Variants in SLC25A6 observed in about 807,000 individuals in gnomAD.
SLC25A6 encodes the protein solute carrier family 25 member 6, also known as ADP/ATP translocase 3.
A neutral mutation model predicts 25.7 loss-of-function variants in SLC25A6; 9 were observed. The ratio of observed to expected loss-of-function variants is 0.35; its 90% CI spans 0.21 to 0.61. The LOEUF is 0.61. SLC25A6 is among the 20% of genes least tolerant of loss of function. The pLI is 0.76. For synonymous variants in SLC25A6, 223 were observed against 197.0 expected (o/e 1.13, Z -1.11); for missense variants, 404 against 440.5 (o/e 0.92, Z 0.74).
Position 1,386,232 on chromosome X carries a change from C to T in SLC25A6, c.*370G>A. On this transcript the variant is annotated 3_prime_UTR_variant, in exon 4 of 4. Transcript: ENST00000381401. ...CTCGCCAGTACTCGGCTGTGCAAAA[C>T]AGGGGCTAGCGCTGAAGTACAAATG... is the stretch of plus-strand genomic sequence containing the variant. 4.7e-6 allele frequency: 1 copy of T among 212,710 alleles called. No homozygotes were observed. Among genetic ancestry groups the T allele is most frequent in the South Asian group, 1.7e-4 (1 of 5,894 alleles). The allele number at this position is 212,710 out of a possible 1,614,324, so 13.2% of individuals were successfully genotyped here. A position where few individuals can be genotyped will look rare whatever the true frequency, so the allele number is the denominator to read the frequency against.
intron 1 of SLC25A6, among the ~76,000 whole-genome samples, chrX:1,390,719 C>G (rs1646346824): frequency 6.7e-6 from 1 of 149,718 alleles, no homozygotes; most frequent in Non-Finnish European, 1.5e-5. Flanking sequence ...GAGACGGGGT[C>G]TTGCTACGTT....
chrX:1,391,157 G>A (rs1417228676), intron 1 of SLC25A6, among the ~76,000 whole-genome samples: 1 of 151,950 alleles, frequency 6.6e-6, no homozygotes, highest in African/African-American at 2.4e-5. Context: ...TTGAGGTGAG[G>A]TCTTGCTGTG....
Position 1,390,956 on chromosome X carries a change from C to G in SLC25A6, c.111+943G>C, listed in dbSNP as rs148549389. Among the ~76,000 whole-genome samples the G allele has an allele frequency of 8.5e-4, 128 of 151,298 alleles. 1 individual carries two copies. In the East Asian group the frequency reaches 0.024, roughly 28 times the overall value. ...TTAAAAATTTTCTTAGAGATGGGGT[C>G]TTGCTATGTTGTCCTGGCTGGTCTC... On this transcript the variant is annotated intron_variant, in intron 1 of 3. Coordinates refer to ENST00000381401, the MANE Select transcript of SLC25A6 (RefSeq NM_001636.4).
In SLC25A6 at chrX:1,389,431, G is replaced by A. The variant is rs7205; in HGVS notation, c.408C>T (p.Phe136=). ...TSLCFVYPLD[F]ARTRLAADVG... ...CGTCCGCTGCCAGGCGGGTTCTGGC[G>A]AAATCCAGCGGGTACACGAAGCAGA... The change falls in exon 2 of 4, where the codon TTC becomes TTT. Residue 136 remains phenylalanine (F), a synonymous_variant. Coordinates refer to ENST00000381401, the MANE Select transcript of SLC25A6 (RefSeq NM_001636.4). 431,791 of 1,613,326 alleles carry A rather than the reference G, an allele frequency of 0.27. 61,161 individuals are homozygous for A. Among genetic ancestry groups the A allele is most frequent in the African/African-American group, 0.45 (33,760 of 74,944 alleles).
chrX:1,391,403 T>C (rs1406858569), intron 1 of SLC25A6, among the ~76,000 whole-genome samples: 2 of 152,204 alleles, frequency 1.3e-5, no homozygotes, highest in African/African-American at 4.8e-5. Context: ...TGGATCAGAA[T>C]TGCACAAATG....
In SLC25A6 at chrX:1,392,072, G is replaced by A. The variant is rs1486039913; in HGVS notation, c.-63C>T. The stretch of plus-strand genomic sequence containing the variant: ...AGAACGGGCGCGGAGAGTGAATGGA[G>A]GGCGTCGCTGGCTCAGCCCTGCCGC... On this transcript the variant is annotated 5_prime_UTR_variant, in exon 1 of 4. Coordinates refer to ENST00000381401, the MANE Select transcript of SLC25A6 (RefSeq NM_001636.4). 3 of 1,261,756 alleles carry A rather than the reference G, an allele frequency of 2.4e-6. No individual in the cohort carries two copies. The highest frequency in any genetic ancestry group is 1.5e-5 in the African/African-American group (1 of 66,738). The allele number at this position is 1,261,756 out of a possible 1,614,324, so 78.2% of individuals were successfully genotyped here.
chrX:1,391,472 C>T (rs1268745330), intron 1 of SLC25A6, among the ~76,000 whole-genome samples: 1 of 152,224 alleles, frequency 6.6e-6, no homozygotes, highest in Non-Finnish European at 1.5e-5. Flanking sequence ...AGGACACCTG[C>T]GGGCAGGCTC....
In SLC25A6 at chrX:1,387,536, C is replaced by A. The variant is rs1274727809; in HGVS notation, c.599-117G>T. The A allele has an allele frequency of 3.5e-6, 5 of 1,416,736 alleles. No homozygotes were observed. The African/African-American group carries it at 7.0e-5, about 20-fold the overall frequency. The allele number at this position is 1,416,736 out of a possible 1,614,324, so 87.8% of individuals were successfully genotyped here. ...GTGGTGCCGAGCTCTTCCGAGACCA[C>A]CAGTGCCCCCTCCACGTGGCTGCTC... On this transcript the variant is annotated intron_variant, in intron 2 of 3. Coordinates refer to ENST00000381401, the MANE Select transcript of SLC25A6 (RefSeq NM_001636.4).
rs6644951 is a variant in SLC25A6 at position 1,387,425 on chromosome X, C to G, written c.599-6G>C. ...CTTGGGGTCGGGGAGCATGCCTGCG[C>G]GGGAACGGCACGTCACCGTCTCCAG... On this transcript the variant is annotated splice_polypyrimidine_tract_variant and splice_region_variant and intron_variant, in intron 2 of 3. Transcript: ENST00000381401. 928,173 of 1,611,068 alleles carry G rather than the reference C, an allele frequency of 0.58. 271,161 individuals are homozygous for G. Among genetic ancestry groups the G allele is most frequent in the African/African-American group, 0.75 (56,037 of 74,952 alleles).
In SLC25A6 at chrX:1,391,897, A is replaced by C; in HGVS notation, c.111+2T>G. Reference sequence around the variant, plus strand: ...CCGGAGCGGCCGCGCCCGCGTCCCCACCTGCAGCAGCAGCTTGACCCGCTC... The same window carrying C: ...CCGGAGCGGCCGCGCCCGCGTCCCCCCCTGCAGCAGCAGCTTGACCCGCTC... On this transcript the variant is annotated splice_donor_variant, in intron 1 of 3. Transcript: ENST00000381401. LOFTEE classifies it high-confidence loss of function. The C allele has an allele frequency of 6.3e-7, 1 of 1,598,414 alleles. No homozygotes were observed. Among genetic ancestry groups the C allele is most frequent in the Non-Finnish European group, 8.5e-7 (1 of 1,174,296 alleles).
At chrX:1,391,803 GCCCGC>G (rs2089417072) in intron 1 of SLC25A6, 91 bp downstream of exon 1, 4 of 923,342 alleles carry the variant, frequency 4.3e-6, no homozygotes, top group Non-Finnish European at 4.8e-6. Context: ...CACTTCCGGC[GCCCGC>G]CTGCAAGGCT....
At position 1,386,525 on chromosome X, in the gene SLC25A6, G is replaced by A. The variant is rs2089326046; in HGVS notation, c.*77C>T. The stretch of plus-strand genomic sequence containing the variant: ...AACTGGAATTTCTCGAAGGTTGATG[G>A]TCCGCACGGTTGAGGATTCTACGTG... On this transcript the variant is annotated 3_prime_UTR_variant, in exon 4 of 4. Transcript: ENST00000381401. 7.2e-7 allele frequency: 1 copy of A among 1,381,712 alleles called. No individual in the cohort carries two copies. Among genetic ancestry groups the A allele is most frequent in the African/African-American group, 1.5e-5 (1 of 66,720 alleles). 85.6% of individuals were successfully genotyped at this position (1,381,712 alleles called of 1,614,324 possible).
chrX:1,388,263 G>A (rs2089354005), intron 2 of SLC25A6, among the ~76,000 whole-genome samples: 1 of 151,484 alleles, frequency 6.6e-6, no homozygotes, highest in Non-Finnish European at 1.5e-5. Flanking sequence ...CAGGATTATG[G>A]AAGAATCAAT....
chrX:1,387,198 G>A (rs1195403121), intron 3 of SLC25A6, 81 bp downstream of exon 3: 13 of 1,543,898 alleles, frequency 8.4e-6, no homozygotes, highest in Non-Finnish European at 1.1e-5. Flanking sequence ...CTCCTTTGAT[G>A]GTTCCTGACC....
intron 3 of SLC25A6, 143 bp downstream of exon 3, chrX:1,387,136 C>T: frequency 1.9e-6 from 2 of 1,054,494 alleles, no homozygotes; most frequent in Non-Finnish European, 2.7e-6. Context: ...TCCTTCCACA[C>T]AGCCAGGTTA....
At position 1,392,109 on chromosome X, in the gene SLC25A6, A is replaced by T. The variant is rs867472604; in HGVS notation, c.-100T>A. ...CTCAGCCCTGCCGCCGCCTGGACCG[A>T]AAGGACGGAGCAGCCACCGCGCAGC... On this transcript the variant is annotated 5_prime_UTR_variant, in exon 1 of 4. Coordinates refer to ENST00000381401, the MANE Select transcript of SLC25A6 (RefSeq NM_001636.4). 9.2e-6 allele frequency: 8 copies of T among 871,850 alleles called. No individual in the cohort carries two copies. The highest frequency in any genetic ancestry group is 3.3e-4 in the Middle Eastern group (1 of 3,030). The allele number at this position is 871,850 out of a possible 1,614,324, so 54.0% of individuals were successfully genotyped here.
At chrX:1,391,610 G>A (rs1336897083) in intron 1 of SLC25A6, among the ~76,000 whole-genome samples, 1 of 152,184 alleles carries the variant, frequency 6.6e-6, no homozygotes, top group African/African-American at 2.4e-5. Context: ...GTCAAGGCCC[G>A]CCAGCCGCAG....
At position 1,392,044 on chromosome X, in the gene SLC25A6, C is replaced by A. The variant is rs765383915; in HGVS notation, c.-35G>T. The A allele has an allele frequency of 1.1e-5, 17 of 1,519,488 alleles. No homozygotes were observed. The highest frequency in any genetic ancestry group is 8.2e-5 in the South Asian group (7 of 85,620). 94.1% of individuals were successfully genotyped at this position (1,519,488 alleles called of 1,614,324 possible). A position where few individuals can be genotyped will look rare whatever the true frequency, so the allele number is the denominator to read the frequency against. On this transcript the variant is annotated 5_prime_UTR_variant, in exon 1 of 4. Coordinates refer to ENST00000381401, the MANE Select transcript of SLC25A6 (RefSeq NM_001636.4). ...GCGGGCAGCGGAACGGGAGGACAGC[C>A]GGAGAACGGGCGCGGAGAGTGAATG...
rs1417984858 is a variant in SLC25A6, at chrX:1,392,059, G to A, written c.-50C>T. The A allele has an allele frequency of 2.9e-6, 4 of 1,395,646 alleles. No individual in the cohort carries two copies. In the African/African-American group the frequency reaches 4.3e-5, roughly 15 times the overall value. 86.5% of individuals were successfully genotyped at this position (1,395,646 alleles called of 1,614,324 possible). A position where few individuals can be genotyped will look rare whatever the true frequency, so the allele number is the denominator to read the frequency against. On this transcript the variant is annotated 5_prime_UTR_variant, in exon 1 of 4. Transcript: ENST00000381401. ...GGAGGACAGCCGGAGAACGGGCGCG[G>A]AGAGTGAATGGAGGGCGTCGCTGGC...
Sources: allele counts gnomAD v4.1 joint callset (sites outside exome capture counted in the v4.1 genomes callset), GRCh38; gene constraint gnomAD v4.1.1; transcripts MANE v1.5; gene names NCBI Gene and HGNC (gene_info 2026-07-23, HGNC 2026-07-21).